The following SLC12A1 variants were observed in gnomAD, a reference collection of about 807,000 sequenced individuals.
SLC12A1 encodes the protein solute carrier family 12 member 1.
In SLC12A1, 89 loss-of-function variants were observed where a neutral mutation model predicts 130.4. The observed-to-expected ratio is 0.68, with a 90% CI of 0.58 to 0.81. The LOEUF is 0.81. SLC12A1 is among the 40% of genes least tolerant of loss of function. The probability of loss-of-function intolerance (pLI) is 0.00; values close to 1 mark genes in which losing one functional copy is unlikely to be tolerated. For synonymous variants in SLC12A1, 499 were observed against 460.0 expected (o/e 1.08, Z -1.09); for missense variants, 1,310 against 1,336.4 (o/e 0.98, Z 0.31).
chr15:48,290,246 G>A (rs1433357829), intron 23 of SLC12A1, among the ~76,000 whole-genome samples: 1 of 152,152 alleles, frequency 6.6e-6, no homozygotes, highest in South Asian at 2.1e-4. Flanking sequence ...TCCACATCCT[G>A]TATCCCACTG....
chr15:48,232,657 T>C (rs2041395031), intron 7 of SLC12A1, 70 bp from the exon 8 acceptor site: 1 of 993,712 alleles, frequency 1.0e-6, no homozygotes. Flanking sequence ...TGGACACTTC[T>C]AACTTTTATA....
At chr15:48,249,128 T>C (rs1415219120) in intron 13 of SLC12A1, among the ~76,000 whole-genome samples, 2 of 152,196 alleles carry the variant, frequency 1.3e-5, no homozygotes, top group Non-Finnish European at 2.9e-5. Context: ...CAAAGAGTCC[T>C]GAAAATCAGA....
intron 20 of SLC12A1, among the ~76,000 whole-genome samples, chr15:48,283,171 G>A (rs1175429685): frequency 1.3e-5 from 2 of 152,140 alleles, no homozygotes; most frequent in Non-Finnish European, 2.9e-5. Flanking sequence ...CCTATAGAAT[G>A]CCATTCTTGC....
intron 7 of SLC12A1, 58 bp downstream of exon 7, chr15:48,230,561 C>T: frequency 9.3e-7 from 1 of 1,073,094 alleles, no homozygotes; most frequent in East Asian, 2.5e-5. Flanking sequence ...GAACAAATTG[C>T]AGGAGTAGAG....
At chr15:48,211,223 A>G (rs2041048589) in intron 2 of SLC12A1, among the ~76,000 whole-genome samples, 1 of 152,182 alleles carries the variant, frequency 6.6e-6, no homozygotes, top group Non-Finnish European at 1.5e-5. Context: ...AGAATCTACA[A>G]TGTGCACATT....
rs990212112 is a variant in SLC12A1, at chr15:48,269,411, A to C, written c.2296-247A>C. Among the ~76,000 whole-genome samples the C allele has an allele frequency of 3.3e-5, 5 of 152,368 alleles. No individual in the cohort carries two copies. The East Asian group carries it at 9.6e-4, about 29-fold the overall frequency. On this transcript the variant is annotated intron_variant, in intron 18 of 26. Coordinates refer to ENST00000380993, the MANE Select transcript of SLC12A1 (RefSeq NM_000338.3). Reference sequence around the variant, plus strand: ...TTAATGACTGTGTCAGAAGAAATGCAAATGACTGCTAATTTAGAAAAGCTA... The same window carrying C: ...TTAATGACTGTGTCAGAAGAAATGCCAATGACTGCTAATTTAGAAAAGCTA...
intron 11 of SLC12A1, among the ~76,000 whole-genome samples, chr15:48,245,426 T>A (rs1015567130): frequency 6.6e-6 from 1 of 152,062 alleles, no homozygotes; most frequent in African/African-American, 2.4e-5. Context: ...CCTTCCTCTA[T>A]CCCCTCTCTG....
chr15:48,286,093 G>A (rs1298587109), intron 21 of SLC12A1, among the ~76,000 whole-genome samples: 1 of 152,208 alleles, frequency 6.6e-6, no homozygotes, highest in Non-Finnish European at 1.5e-5. Context: ...CAAGCTTCTG[G>A]TCTAGGTTGA....
chr15:48,277,860 A>T (rs2041970169), intron 20 of SLC12A1, among the ~76,000 whole-genome samples: 2 of 152,220 alleles, frequency 1.3e-5, no homozygotes. Flanking sequence ...AAAAAACTAG[A>T]GATCAAGTGT....
chr15:48,302,856 C>T lies in SLC12A1; in HGVS notation c.3271C>T (p.His1091Tyr). The change falls in exon 27 of 27, where the codon CAC becomes TAC. Residue 1091 changes from histidine (H) to tyrosine (Y), a missense_variant. Transcript: ENST00000380993. Reference sequence around the variant, plus strand: ...ACCTGTCTTACTAGTTAGAGGAAATCACAAAAATGTCTTGACATTTTACTC... The same window carrying T: ...ACCTGTCTTACTAGTTAGAGGAAATTACAAAAATGTCTTGACATTTTACTC... Reference protein sequence around the residue: ...LPPVLLVRGNHKNVLTFYS With the variant: ...LPPVLLVRGNYKNVLTFYS 1.2e-6 allele frequency: 2 copies of T among 1,611,924 alleles called. No homozygotes were observed. Among genetic ancestry groups the T allele is most frequent in the Non-Finnish European group, 1.7e-6 (2 of 1,178,326 alleles).
At chr15:48,233,312 G>GGATGTGAAAGTGCTTTGTAAACCA (rs1354863811) in intron 8 of SLC12A1, among the ~76,000 whole-genome samples, 1 of 152,170 alleles carries the variant, frequency 6.6e-6, no homozygotes. Context: ...ATAAGACAGT[G>GGATGTGAAAGTGCTTTGTAAACCA]GATGTGAAAG....
At chr15:48,237,289 T>C (rs2041451048) in intron 9 of SLC12A1, 2 of 462,606 alleles carry the variant, frequency 4.3e-6, no homozygotes, top group Admixed American at 3.8e-5. Flanking sequence ...AGAATTATTT[T>C]AAGTGCAGAG....
intron 10 of SLC12A1, among the ~76,000 whole-genome samples, chr15:48,242,609 C>G (rs2041529346): frequency 6.6e-6 from 1 of 152,078 alleles, no homozygotes; most frequent in Non-Finnish European, 1.5e-5. Context: ...TCAAGACTAG[C>G]TGGGAAAACA....
rs1296059245 is a variant in SLC12A1 at position 48,301,509 on chromosome 15, G to GGGGGC, written c.3164+129_3164+130insGGCGG. 10 of 506,842 alleles carry GGGGGC rather than the reference G, an allele frequency of 2.0e-5. 1 individual carries two copies. Among genetic ancestry groups the GGGGGC allele is most frequent in the Admixed American group, 1.3e-4 (4 of 30,880 alleles). 31.4% of individuals were successfully genotyped at this position (506,842 alleles called of 1,614,324 possible). ...TTGTTTTTGTGTTTTTTTTGGGGGG[G>GGGGGC]GGAACACGTGGGATTCTTAGACAGT... On this transcript the variant is annotated intron_variant, in intron 26 of 26. Transcript: ENST00000380993.
chr15:48,216,896 G>A (rs1189335686), intron 2 of SLC12A1, among the ~76,000 whole-genome samples: 1 of 152,122 alleles, frequency 6.6e-6, no homozygotes, highest in Non-Finnish European at 1.5e-5. Context: ...AGCCTCAAAT[G>A]TTTCATGCAT....
chr15:48,242,639 C>CA (rs2041530035), intron 10 of SLC12A1, among the ~76,000 whole-genome samples: 1 of 151,912 alleles, frequency 6.6e-6, no homozygotes, highest in Non-Finnish European at 1.5e-5. Flanking sequence ...CCCATTCCTA[C>CA]AAAAAATAAA....
chr15:48,268,104 T>C (rs1285231388), intron 18 of SLC12A1, among the ~76,000 whole-genome samples: 2 of 152,172 alleles, frequency 1.3e-5, no homozygotes, highest in African/African-American at 4.8e-5. Flanking sequence ...CAAATGGTGT[T>C]AGGGCAGCTG....
intron 9 of SLC12A1, 94 bp downstream of exon 9, chr15:48,235,098 C>A: frequency 1.6e-6 from 2 of 1,266,602 alleles, no homozygotes; most frequent in South Asian, 1.2e-5. Flanking sequence ...ACCATATTAC[C>A]CTACAGATTC....
Position 48,302,930 on chromosome 15 carries a change from T to C in SLC12A1, c.*45T>C. 1 of 1,412,368 alleles carries C rather than the reference T, an allele frequency of 7.1e-7. No individual in the cohort carries two copies. Among genetic ancestry groups the C allele is most frequent in the African/African-American group, 1.4e-5 (1 of 71,038 alleles). 87.5% of individuals were successfully genotyped at this position (1,412,368 alleles called of 1,614,324 possible). ...CATTTTAACTTAATGTAATGCATAA[T>C]TAAGAAACATGTTCCAGTACTTTAT... is the stretch of plus-strand genomic sequence containing the variant. On this transcript the variant is annotated 3_prime_UTR_variant, in exon 27 of 27. Transcript: ENST00000380993.
Sources: gnomAD v4.1 joint callset for allele counts (sites outside exome capture counted in the v4.1 genomes callset) on GRCh38, gnomAD v4.1.1 for gene constraint, MANE v1.5 for transcripts, NCBI Gene and HGNC (gene_info 2026-07-23, HGNC 2026-07-21) for gene names.